TENM2: variants seen among roughly 807,000 people sequenced by gnomAD.
The protein encoded by TENM2 is teneurin transmembrane protein 2.
TENM2 carries 52 observed loss-of-function variants against 245.2 expected under a neutral mutation model. The ratio of observed to expected loss-of-function variants is 0.21; its 90% CI spans 0.17 to 0.27. The LOEUF (loss-of-function observed/expected upper bound fraction) is 0.27. TENM2 is among the 10% of genes least tolerant of loss of function. The probability of loss-of-function intolerance (pLI) is 1.00; values close to 1 mark genes in which losing one functional copy is unlikely to be tolerated. For synonymous variants in TENM2, 1,363 were observed against 1,438.9 expected, an observed-to-expected ratio of 0.95 and a Z score of 1.19; for missense variants, 3,046 against 3,666.8, an observed-to-expected ratio of 0.83 and a Z score of 4.37.
intron 2 of TENM2, among the ~76,000 whole-genome samples, chr5:167,858,337 A>G (rs908415135): frequency 3.3e-5 from 5 of 152,244 alleles, no homozygotes; most frequent in Admixed American, 6.5e-5. Flanking sequence ...GTGCAAACCA[A>G]TGCTGACATT....
At chr5:167,650,615 C>G (rs567960600) in intron 2 of TENM2, among the ~76,000 whole-genome samples, 13 of 152,192 alleles carry the variant, frequency 8.5e-5, no homozygotes, top group African/African-American at 2.9e-4. Flanking sequence ...CAAGTAACAA[C>G]AACTGCAGAA....
At chr5:167,868,121 C>T (rs1219127061) in intron 2 of TENM2, among the ~76,000 whole-genome samples, 3 of 152,160 alleles carry the variant, frequency 2.0e-5, no homozygotes, top group African/African-American at 4.8e-5. Context: ...TCAATACTAT[C>T]GATATTTGGG....
intron 2 of TENM2, among the ~76,000 whole-genome samples, chr5:167,600,130 C>G (rs1430044762): frequency 6.3e-5 from 2 of 31,908 alleles, no homozygotes; most frequent in Admixed American, 2.5e-4. Flanking sequence ...AAAAGTCTTC[C>G]CAAGGCTATT....
At chr5:167,258,352 A>G in the TENM2 span, among the ~76,000 whole-genome samples, 2 of 151,954 alleles carry the variant, frequency 1.3e-5, no homozygotes, top group Admixed American at 6.6e-5. Flanking sequence ...AAACTTTCCT[A>G]TGTAACAAAA....
the TENM2 span, among the ~76,000 whole-genome samples, chr5:167,258,451 C>T: frequency 6.6e-6 from 1 of 152,050 alleles, no homozygotes; most frequent in Non-Finnish European, 1.5e-5. Context: ...CTGGCTCCCA[C>T]AGGAACCATC....
chr5:168,134,781 C>CA (rs781318596), intron 12 of TENM2, among the ~76,000 whole-genome samples: 120 of 152,330 alleles, frequency 7.9e-4, no homozygotes, highest in Non-Finnish European at 1.4e-3. Flanking sequence ...AGTAGCATGT[C>CA]AAAATCACAC....
chr5:168,007,916 T>C (rs1784945902), intron 5 of TENM2, among the ~76,000 whole-genome samples: 1 of 152,224 alleles, frequency 6.6e-6, no homozygotes, highest in African/African-American at 2.4e-5. Flanking sequence ...TAAGAAATGG[T>C]TGATAACCGT....
chr5:168,090,521 G>A, intron 7 of TENM2, 53 bp from the exon 10 acceptor site: 1 of 1,519,880 alleles, frequency 6.6e-7, no homozygotes, highest in Non-Finnish European at 9.0e-7. Context: ...TACCAGGTAT[G>A]GGACCACATC....
chr5:168,040,324 G>T lies in TENM2; in HGVS notation c.1187-7103G>T, dbSNP rs150689512. ...CCTCTCATTTTGATGATCTTGCCAC[G>T]ATTCTGGGATTGTATCTGCCTCTCA... On this transcript the variant is annotated intron_variant, in intron 5 of 28. Coordinates refer to ENST00000518659, the Ensembl canonical transcript of TENM2. 2.0e-5 allele frequency among the ~76,000 whole-genome samples: 3 copies of T among 152,286 alleles called. No individual in the cohort carries two copies. The South Asian group carries it at 6.2e-4, about 32-fold the overall frequency.
chr5:167,407,551 C>A (rs1478513851), intron 2 of TENM2, among the ~76,000 whole-genome samples: 1 of 152,190 alleles, frequency 6.6e-6, no homozygotes, highest in Non-Finnish European at 1.5e-5. Flanking sequence ...GATGTGGTGG[C>A]TCATGCCCGT....
chr5:168,072,205 C>T (rs1453983879), intron 7 of TENM2, among the ~76,000 whole-genome samples: 3 of 152,174 alleles, frequency 2.0e-5, no homozygotes, highest in Non-Finnish European at 2.9e-5. Context: ...AATAAGAAAT[C>T]ACATCAGCAA....
intron 2 of TENM2, among the ~76,000 whole-genome samples, chr5:167,524,652 C>A (rs1352097094): frequency 6.6e-6 from 1 of 151,790 alleles, no homozygotes; most frequent in Non-Finnish European, 1.5e-5. Context: ...TAACTGGCTG[C>A]ATGTCATAAT....
At chr5:168,224,929 G>T (rs1214210885) in intron 23 of TENM2, among the ~76,000 whole-genome samples, 1 of 152,206 alleles carries the variant, frequency 6.6e-6, no homozygotes, top group Non-Finnish European at 1.5e-5. Context: ...AGTGGGGAAA[G>T]GCTGTCCCAA....
intron 2 of TENM2, among the ~76,000 whole-genome samples, chr5:167,632,489 G>A (rs1778938174): frequency 1.3e-5 from 2 of 152,136 alleles, no homozygotes; most frequent in South Asian, 2.1e-4. Flanking sequence ...TATTTCTAAG[G>A]CAGCCATTGC....
intron 2 of TENM2, among the ~76,000 whole-genome samples, chr5:167,679,539 C>G (rs1289410059): frequency 1.3e-5 from 2 of 152,084 alleles, no homozygotes; most frequent in Non-Finnish European, 2.9e-5. Context: ...TGATTAATTT[C>G]AACATAATAT....
At chr5:167,774,924 T>A (rs544853569) in intron 2 of TENM2, among the ~76,000 whole-genome samples, 1 of 152,182 alleles carries the variant, frequency 6.6e-6, no homozygotes, top group African/African-American at 2.4e-5. Context: ...AATTTGCAAG[T>A]TGTCCAAGGT....
At chr5:168,098,123 T>G in exon 9 of TENM2, 1 of 1,611,174 alleles carries the variant, frequency 6.2e-7, no homozygotes. Context: ...CAGACTGTGC[T>G]AAAGGTATGT....
At chr5:167,228,117 C>T in the TENM2 span, among the ~76,000 whole-genome samples, 6 of 152,124 alleles carry the variant, frequency 3.9e-5, no homozygotes, top group Non-Finnish European at 7.3e-5. Flanking sequence ...CAACCTCTGC[C>T]TCCTGGCTTC....
the TENM2 span, among the ~76,000 whole-genome samples, chr5:167,199,577 T>G: frequency 6.6e-6 from 1 of 152,260 alleles, no homozygotes; most frequent in East Asian, 1.9e-4. Context: ...CAGTGAATGC[T>G]TACCTTCTCC....
Sources: gnomAD v4.1 joint callset for allele counts (sites outside exome capture counted in the v4.1 genomes callset) on GRCh38, gnomAD v4.1.1 for gene constraint, MANE v1.5 for transcripts, NCBI Gene and HGNC (gene_info 2026-07-23, HGNC 2026-07-21) for gene names.